LRGUK: variants seen among roughly 807,000 people sequenced by gnomAD.
The protein encoded by LRGUK is leucine-rich repeat and guanylate kinase domain-containing protein.
In LRGUK, 65 loss-of-function variants were observed where a neutral mutation model predicts 76.0. The observed-to-expected ratio is 0.85, with a 90% CI of 0.70 to 1.05. The LOEUF (loss-of-function observed/expected upper bound fraction) is 1.05, where lower values mean the gene tolerates loss of function less well. Among genes scored for constraint, LRGUK ranks in the 50% least tolerant of loss-of-function variants. LRGUK has a pLI of 0.00. For synonymous variants in LRGUK, 268 were observed against 265.6 expected, an observed-to-expected ratio of 1.01 and a Z score of -0.09; for missense variants, 758 against 732.8, an observed-to-expected ratio of 1.03 and a Z score of -0.40.
chr7:134,197,061 A>G (rs1638878286), exon 13 of LRGUK: 1 of 1,612,306 alleles, frequency 6.2e-7, no homozygotes, highest in East Asian at 2.2e-5. Flanking sequence ...CGTAGAAGGT[A>G]TCGCAAGAGA....
At chr7:134,219,158 T>C (rs77209897) in intron 15 of LRGUK, among the ~76,000 whole-genome samples, 1 of 152,326 alleles carries the variant, frequency 6.6e-6, no homozygotes, top group African/African-American at 2.4e-5. Context: ...TTGGTAATTA[T>C]GGTTTTTTCC....
intron 11 of LRGUK, among the ~76,000 whole-genome samples, chr7:134,187,948 G>C (rs1800043371): frequency 6.6e-6 from 1 of 152,080 alleles, no homozygotes; most frequent in South Asian, 2.1e-4. Context: ...TAAAATAAAA[G>C]ACCACAGCTA....
the LRGUK span, among the ~76,000 whole-genome samples, chr7:134,273,177 C>T: frequency 6.6e-6 from 1 of 152,158 alleles, no homozygotes; most frequent in African/African-American, 2.4e-5. Context: ...GAGTCAGGCT[C>T]AGCCCTTCTC....
At chr7:134,166,540 T>G (rs1798991823) in intron 7 of LRGUK, among the ~76,000 whole-genome samples, 1 of 152,178 alleles carries the variant, frequency 6.6e-6, no homozygotes, top group Admixed American at 6.5e-5. Context: ...GGTTCCCAAT[T>G]ACTTTTCTGA....
chr7:134,164,303 AAAAAT>A (rs1798879532), intron 7 of LRGUK, among the ~76,000 whole-genome samples: 1 of 152,172 alleles, frequency 6.6e-6, no homozygotes. Context: ...TTAAACCCTC[AAAAAT>A]AAAATAAAGA....
chr7:134,160,774 A>G (rs566740332), intron 6 of LRGUK, among the ~76,000 whole-genome samples: 1 of 152,296 alleles, frequency 6.6e-6, no homozygotes, highest in African/African-American at 2.4e-5. Context: ...TTGGTTGAGA[A>G]TGTTTCTAAT....
rs1441306869 is a variant in LRGUK, at chr7:134,137,111, A to G, written c.386A>G (p.Tyr129Cys). 4 of 1,611,694 alleles carry G rather than the reference A, an allele frequency of 2.5e-6. No homozygotes were observed. The highest frequency in any genetic ancestry group is 2.2e-5 in the East Asian group (1 of 44,878). The change falls in exon 2 of 16, where the codon TAC becomes TGC. Residue 129 changes from tyrosine to cysteine, a missense_variant. Transcript: ENST00000645682. The stretch of plus-strand genomic sequence containing the variant: ...TCAGGCTCTGGGACTGAGCAAGTCT[A>G]CCTCAATCTAACTTTATCAGTGAGT...
chr7:134,183,687 G>A (rs55857809), intron 10 of LRGUK, 47 bp from the exon 11 acceptor site: 175,904 of 1,608,182 alleles, frequency 0.11, 14,890 homozygotes, highest in East Asian at 0.4. Flanking sequence ...TTAATGTGCT[G>A]TCTCCCTGAC....
intron 12 of LRGUK, among the ~76,000 whole-genome samples, chr7:134,193,451 T>C (rs1800345524): frequency 6.6e-6 from 1 of 152,214 alleles, no homozygotes; most frequent in Non-Finnish European, 1.5e-5. Flanking sequence ...TGGTGTTTCA[T>C]ACCTTATCAG....
intron 1 of LRGUK, among the ~76,000 whole-genome samples, chr7:134,136,233 T>C (rs1797534149): frequency 6.6e-6 from 1 of 152,172 alleles, no homozygotes; most frequent in African/African-American, 2.4e-5. Flanking sequence ...CTTTTGTCTG[T>C]CATTGTTGGA....
intron 5 of LRGUK, among the ~76,000 whole-genome samples, chr7:134,154,819 C>G (rs1182162909): frequency 6.6e-6 from 1 of 152,188 alleles, no homozygotes; most frequent in Non-Finnish European, 1.5e-5. Flanking sequence ...GGATTCCAAG[C>G]TAGAGAGTAA....
At chr7:134,140,942 A>C (rs965662859) in intron 3 of LRGUK, among the ~76,000 whole-genome samples, 2 of 152,134 alleles carry the variant, frequency 1.3e-5, no homozygotes, top group African/African-American at 4.8e-5. Flanking sequence ...CAAATCTTAG[A>C]TGGTCATCTC....
chr7:134,264,084 A>G, exon 20 of LRGUK: 1 of 1,090,814 alleles, frequency 9.2e-7, no homozygotes, highest in Non-Finnish European at 1.2e-6. Context: ...CCCATTACCC[A>G]CGGAAGAATG....
rs541086018 is a variant in LRGUK at position 134,200,035 on chromosome 7, A to C, written c.1747+614A>C. Among the ~76,000 whole-genome samples the C allele has an allele frequency of 1.2e-4, 6 of 48,838 alleles. 1 individual carries two copies. The highest frequency in any genetic ancestry group is 3.0e-4 in the African/African-American group (4 of 13,148). The allele number at this position is 48,838 out of a possible 152,430, so 32.0% of individuals were successfully genotyped here. ...ATATATATATATATATATATGTATAATTTTTTTTTTTGAGATAGAGAGTCT... is the reference window on the plus strand; with the variant it reads ...ATATATATATATATATATATGTATACTTTTTTTTTTTGAGATAGAGAGTCT... On this transcript the variant is annotated intron_variant, in intron 14 of 15. Transcript: ENST00000645682.
intron 16 of LRGUK, among the ~76,000 whole-genome samples, chr7:134,235,918 T>A (rs1802002815): frequency 1.3e-5 from 2 of 152,192 alleles, no homozygotes; most frequent in African/African-American, 4.8e-5. Flanking sequence ...GTGTCAATAT[T>A]ATATTTTTAT....
At chr7:134,265,376 G>A (rs979036940), downstream of LRGUK, among the ~76,000 whole-genome samples, 1 of 152,086 alleles carries the variant, frequency 6.6e-6, no homozygotes, top group African/African-American at 2.4e-5. Context: ...AAGGCAGATG[G>A]GCTATGGATC....
At chr7:134,185,215 A>G (rs1799932906) in intron 11 of LRGUK, among the ~76,000 whole-genome samples, 1 of 152,168 alleles carries the variant, frequency 6.6e-6, no homozygotes, top group Admixed American at 6.5e-5. Context: ...AAAAAACCAA[A>G]AACAAACAAA....
chr7:134,233,008 T>TAA (rs373446113), intron 16 of LRGUK, among the ~76,000 whole-genome samples: 1 of 151,310 alleles, frequency 6.6e-6, no homozygotes, highest in Non-Finnish European at 1.5e-5. Flanking sequence ...CAGGTTTGAG[T>TAA]AAAAAAAAAG....
intron 7 of LRGUK, among the ~76,000 whole-genome samples, chr7:134,171,481 AG>A (rs1480336761): frequency 4.6e-5 from 7 of 151,922 alleles, no homozygotes; most frequent in Admixed American, 2.0e-4. Context: ...CACATATATA[AG>A]TTTTTTTTTA....
Sources: allele counts gnomAD v4.1 joint callset (sites outside exome capture counted in the v4.1 genomes callset), GRCh38; gene constraint gnomAD v4.1.1; transcripts MANE v1.5; gene names NCBI Gene and HGNC (gene_info 2026-07-23, HGNC 2026-07-21).